LAMA3: variants seen among roughly 807,000 people sequenced by gnomAD.
LAMA3 encodes the protein laminin subunit alpha 3.
A neutral mutation model predicts 402.0 loss-of-function variants in LAMA3; 281 were observed. That is an observed-to-expected ratio of 0.70 (90% CI 0.63 to 0.77). LAMA3 has a LOEUF of 0.77. Among genes scored for constraint, LAMA3 ranks in the 30% least tolerant of loss-of-function variants. The pLI is 0.00. For synonymous variants in LAMA3, 1,431 were observed against 1,558.4 expected (o/e 0.92, Z 1.93); for missense variants, 3,840 against 4,215.5 (o/e 0.91, Z 2.47).
chr18:23,905,381 T>C, intron 51 of LAMA3, 141 bp from the exon 52 acceptor site: 1 of 594,228 alleles, frequency 1.7e-6, no homozygotes. Flanking sequence ...CCTAACTCTT[T>C]TAGGGAACAA....
In LAMA3 at chr18:23,842,703, GAAGTGGCCGC is replaced by G; in HGVS notation, c.3559_3568del (p.Val1187LeufsTer2). ...GATTGAGTTTGACATCTCAGAGCCTGAAGTGGCCGCAACTGTGAAGGTTCCAGAAGGAAAG... is the reference window on the plus strand; with the variant it reads ...GATTGAGTTTGACATCTCAGAGCCTGAACTGTGAAGGTTCCAGAAGGAAAG... On this transcript the variant is annotated frameshift_variant, in exon 29 of 75. Transcript: ENST00000313654. LOFTEE classifies it high-confidence loss of function. 6.2e-7 allele frequency: 1 copy of G among 1,614,226 alleles called. No individual in the cohort carries two copies. The highest frequency in any genetic ancestry group is 8.5e-7 in the Non-Finnish European group (1 of 1,180,046).
At position 23,933,818 on chromosome 18, in the gene LAMA3, T is replaced by C; in HGVS notation, c.8745T>C (p.Ser2915=). Residue 2915 remains serine, a synonymous_variant, in exon 67 of 75, where the codon AGT becomes AGC. Transcript: ENST00000313654. ...GTCCTGAAGTCCTAGATTTGACCAG[T>C]AACTCTCTCAAGAGAGATGTGTCCC... The part of the protein sequence containing the change: ...SLSPEVLDLT[S]NSLKRDVSLG... 6.2e-7 allele frequency: 1 copy of C among 1,614,064 alleles called. No individual in the cohort carries two copies.
rs559491477 is a variant in LAMA3, at chr18:23,764,125, T to C, written c.1182+602T>C. The stretch of plus-strand genomic sequence containing the variant: ...ACATTGTCATTCTTTCTTGTGTTCT[T>C]TTAGGTGTTTTGTTAATGTTACCAC... On this transcript the variant is annotated intron_variant, in intron 8 of 74. Coordinates refer to ENST00000313654, the MANE Select transcript of LAMA3 (RefSeq NM_198129.4). 2.0e-5 allele frequency among the ~76,000 whole-genome samples: 3 copies of C among 152,238 alleles called. No homozygotes were observed. In the East Asian group the frequency reaches 5.8e-4, roughly 29 times the overall value.
chr18:23,706,094 ATAT>A, intron 1 of LAMA3, among the ~76,000 whole-genome samples: 1 of 152,136 alleles, frequency 6.6e-6, no homozygotes, highest in Admixed American at 6.5e-5. Flanking sequence ...TTTTCACTTA[ATAT>A]TATATTGCTG....
Position 23,784,173 on chromosome 18 carries a change from A to G in LAMA3, c.1603+16A>G. ...ATTTGCCAAGGTAAGTGGGCAGAAC[A>G]TAGCATATTCATAATCAATCCCTCA... On this transcript the variant is annotated intron_variant, in intron 12 of 74. Coordinates refer to ENST00000313654, the MANE Select transcript of LAMA3 (RefSeq NM_198129.4). 1.2e-6 allele frequency: 2 copies of G among 1,614,032 alleles called. No individual in the cohort carries two copies. The highest frequency in any genetic ancestry group is 8.5e-7 in the Non-Finnish European group (1 of 1,179,896).
chr18:23,941,428 G>A (rs1274491314), intron 68 of LAMA3, among the ~76,000 whole-genome samples: 2 of 149,892 alleles, frequency 1.3e-5, no homozygotes, highest in African/African-American at 4.9e-5. Flanking sequence ...ACATTAAACC[G>A]TACATCATTA....
intron 47 of LAMA3, 153 bp downstream of exon 47, chr18:23,899,608 GC>G (rs970714720): frequency 3.9e-6 from 3 of 764,156 alleles, no homozygotes; most frequent in African/African-American, 3.5e-5. Flanking sequence ...AAAATTGGTA[GC>G]CCCCAGGAGT....
chr18:23,945,226 G>A (rs2082668466), intron 69 of LAMA3, among the ~76,000 whole-genome samples: 1 of 152,270 alleles, frequency 6.6e-6, no homozygotes, highest in South Asian at 2.1e-4. Context: ...GGCAAGAGTA[G>A]CAGCAGGGGG....
intron 68 of LAMA3, among the ~76,000 whole-genome samples, chr18:23,941,466 A>C (rs926052732): frequency 2.0e-5 from 3 of 152,158 alleles, no homozygotes; most frequent in African/African-American, 7.2e-5. Context: ...TAAAAGGTAA[A>C]ATTTTTTAAA....
Position 23,784,113 on chromosome 18 carries a change from G to A in LAMA3, c.1559G>A (p.Cys520Tyr). The change falls in exon 12 of 75, where the codon TGT becomes TAT. Residue 520 changes from cysteine to tyrosine, a missense_variant. Physicochemically the swap from Cys to Tyr is radical, Grantham distance 194. This residue lies in a region of LAMA3 where 2,109 missense variants were observed against 2,376.0 expected (regional missense o/e 0.89). Transcript: ENST00000313654. Reference sequence around the variant, plus strand: ...CGCCCTGGGGTTGAGGGCCCTCGATGTGATACCTGCCGCTCTGGTTTCTAC... The same window carrying A: ...CGCCCTGGGGTTGAGGGCCCTCGATATGATACCTGCCGCTCTGGTTTCTAC... ...LCRPGVEGPR[C>Y]DTCRSGFYSF... 2 of 1,614,152 alleles carry A rather than the reference G, an allele frequency of 1.2e-6. No homozygotes were observed. The highest frequency in any genetic ancestry group is 1.1e-5 in the South Asian group (1 of 91,082).
At chr18:23,742,221 A>G (rs566977406) in intron 2 of LAMA3, among the ~76,000 whole-genome samples, 1 of 152,316 alleles carries the variant, frequency 6.6e-6, no homozygotes, top group East Asian at 1.9e-4. Context: ...GACCAATTCT[A>G]TGATGGAACA....
intron 41 of LAMA3, among the ~76,000 whole-genome samples, chr18:23,887,374 G>A (rs1568300564): frequency 1.3e-5 from 2 of 152,136 alleles, no homozygotes; most frequent in Non-Finnish European, 2.9e-5. Flanking sequence ...CCTGGGAGAG[G>A]CGTCCTAATT....
At chr18:23,690,488 G>A (rs1463502793) in intron 1 of LAMA3, among the ~76,000 whole-genome samples, 1 of 152,238 alleles carries the variant, frequency 6.6e-6, no homozygotes, top group Non-Finnish European at 1.5e-5. Flanking sequence ...TGCACTGCCT[G>A]AAGTGCCACC....
chr18:23,716,127 T>G (rs1182944604), intron 2 of LAMA3, among the ~76,000 whole-genome samples: 1 of 152,184 alleles, frequency 6.6e-6, no homozygotes, highest in African/African-American at 2.4e-5. Flanking sequence ...TTCAGTAGCT[T>G]CTGACAATAC....
At chr18:23,741,246 G>A (rs991836605) in intron 2 of LAMA3, among the ~76,000 whole-genome samples, 11 of 151,924 alleles carry the variant, frequency 7.2e-5, no homozygotes, top group Admixed American at 3.3e-4. Flanking sequence ...TTCTGATAGT[G>A]CCAGGGCCTG....
In LAMA3 at chr18:23,867,850, T is replaced by A; in HGVS notation, c.4700T>A (p.Ile1567Asn). ...DVQLTGQHMS[I>N]IYEETNTPRP... ...TTTAAACAGGGTCAGCACATGTCCA[T>A]CATCTATGAGGAGACAAACACCCCA... Residue 1567 changes from isoleucine to asparagine, a missense_variant, in exon 37 of 75, where the codon ATC becomes AAC. Around this residue, in one of 3 missense-constraint regions of LAMA3, gnomAD observed 2,109 missense variants for 2,376.0 expected, o/e 0.89. Transcript: ENST00000313654. 1 of 1,613,938 alleles carries A rather than the reference T, an allele frequency of 6.2e-7. No individual in the cohort carries two copies. The highest frequency in any genetic ancestry group is 8.5e-7 in the Non-Finnish European group (1 of 1,179,874).
At chr18:23,889,523 T>C (rs1242713612) in intron 41 of LAMA3, among the ~76,000 whole-genome samples, 2 of 150,138 alleles carry the variant, frequency 1.3e-5, no homozygotes, top group African/African-American at 4.9e-5. Context: ...GATTGTGCCA[T>C]TGTACTCCAG....
intron 23 of LAMA3, among the ~76,000 whole-genome samples, chr18:23,831,589 A>G (rs2063491754): frequency 6.6e-6 from 1 of 152,166 alleles, no homozygotes; most frequent in Non-Finnish European, 1.5e-5. Flanking sequence ...ACCTCTGCAG[A>G]ACATTATTCA....
intron 12 of LAMA3, among the ~76,000 whole-genome samples, chr18:23,801,510 G>T (rs2144192523): frequency 6.6e-6 from 1 of 152,234 alleles, no homozygotes; most frequent in South Asian, 2.1e-4. Flanking sequence ...CTCCATGGGG[G>T]CACAGGTGTC....
Sources: allele counts gnomAD v4.1 joint callset (sites outside exome capture counted in the v4.1 genomes callset), GRCh38; gene constraint gnomAD v4.1.1; regional missense constraint gnomAD v4.1.1; transcripts MANE v1.5; gene names NCBI Gene and HGNC (gene_info 2026-07-23, HGNC 2026-07-21).